Variants in CFTR observed in about 807,000 individuals in gnomAD.
The protein encoded by CFTR is cystic fibrosis transmembrane conductance regulator.
CFTR carries 181 observed loss-of-function variants against 171.6 expected under a neutral mutation model. The observed-to-expected ratio is 1.05, with a 90% CI of 0.93 to 1.19. CFTR has a LOEUF of 1.19. Ranked by LOEUF, CFTR falls within the 50% of genes most tolerant of loss-of-function variation. CFTR has a pLI of 0.00. For synonymous variants in CFTR, 583 were observed against 608.0 expected, an observed-to-expected ratio of 0.96 and a Z score of 0.60; for missense variants, 1,968 against 1,734.7, an observed-to-expected ratio of 1.13 and a Z score of -2.39.
chr7:117,520,328 A>G (rs1210166819), intron 3 of CFTR, among the ~76,000 whole-genome samples: 4 of 146,538 alleles, frequency 2.7e-5, no homozygotes, highest in African/African-American at 7.5e-5. Flanking sequence ...GCAAATCTAT[A>G]TATCTTTTTC....
intron 3 of CFTR, among the ~76,000 whole-genome samples, chr7:117,517,986 T>C (rs1184875085): frequency 2.0e-5 from 3 of 152,176 alleles, no homozygotes; most frequent in Non-Finnish European, 2.9e-5. Flanking sequence ...AAACATTTTC[T>C]CCCATTCTGT....
At chr7:117,553,995 G>A (rs112038513) in intron 10 of CFTR, among the ~76,000 whole-genome samples, 18 of 152,240 alleles carry the variant, frequency 1.2e-4, no homozygotes, top group African/African-American at 4.3e-4. Flanking sequence ...AGTAAGACAG[G>A]GAGGGTAGAA....
At chr7:117,504,169 C>A in intron 1 of CFTR, 84 bp from the exon 2 acceptor site, 2 of 798,610 alleles carry the variant, frequency 2.5e-6, no homozygotes, top group African/African-American at 1.7e-5. Context: ...TTTCCATATG[C>A]CAGAAAAGTT....
chr7:117,487,453 A>T (rs1276778599), intron 1 of CFTR, among the ~76,000 whole-genome samples: 1 of 152,122 alleles, frequency 6.6e-6, no homozygotes, highest in Non-Finnish European at 1.5e-5. Flanking sequence ...TTTTCACATC[A>T]CGGGACACAA....
rs774308232 is a variant in CFTR, at chr7:117,542,036, A to C, written c.1137A>C (p.Glu379Asp). The change falls in exon 9 of 27, where the codon GAA becomes GAC. Residue 379 changes from glutamate (E) to aspartate (D), a missense_variant. By Grantham distance (45) the Glu-to-Asp change is conservative. Transcript: ENST00000003084. ...AATAGGATTTCTTACAAAAGCAAGA[A>C]TATAAGACATTGGAATATAACTTAA... ...NKIQDFLQKQ[E>D]YKTLEYNLTT... 1.9e-6 allele frequency: 3 copies of C among 1,570,220 alleles called. No homozygotes were observed. The highest frequency in any genetic ancestry group is 1.1e-5 in the South Asian group (1 of 90,102).
chr7:117,640,276 T>C (rs1271860321), intron 22 of CFTR, among the ~76,000 whole-genome samples: 1 of 152,136 alleles, frequency 6.6e-6, no homozygotes, highest in East Asian at 1.9e-4. Context: ...AACCAGTGAT[T>C]CCTTGCCTTT....
intron 9 of CFTR, among the ~76,000 whole-genome samples, chr7:117,542,410 T>C (rs1051309132): frequency 6.6e-6 from 1 of 152,018 alleles, no homozygotes; most frequent in African/African-American, 2.4e-5. Context: ...TAACTGGGCA[T>C]GGTGGCAGAT....
rs766916236 is a variant in CFTR at position 117,664,668 on chromosome 7, A to C, written c.3964-20A>C. 6.2e-7 allele frequency: 1 copy of C among 1,611,352 alleles called. No individual in the cohort carries two copies. The highest frequency in any genetic ancestry group is 1.1e-5 in the South Asian group (1 of 91,036). On this transcript the variant is annotated intron_variant, in intron 24 of 26. Transcript: ENST00000003084. ...GTGTTTTTAACTCTGTGGTATCTGAACTATCTTCTCTAACTGCAGGTTGGG... is the reference window on the plus strand; with the variant it reads ...GTGTTTTTAACTCTGTGGTATCTGACCTATCTTCTCTAACTGCAGGTTGGG...
Position 117,602,883 on chromosome 7 carries a change from T to C in CFTR, c.2657+20T>C. ...TGGAAAGTGAGTATTCCATGTCCTA[T>C]TGTGTAGATTGTGTTTTATTTCTGT... On this transcript the variant is annotated intron_variant, in intron 16 of 26. Transcript: ENST00000003084. 6.3e-7 allele frequency: 1 copy of C among 1,594,032 alleles called. No individual in the cohort carries two copies. The highest frequency in any genetic ancestry group is 1.1e-5 in the South Asian group (1 of 90,700).
chr7:117,517,398 A>G (rs1370610899), intron 3 of CFTR, among the ~76,000 whole-genome samples: 1 of 152,066 alleles, frequency 6.6e-6, no homozygotes, highest in Non-Finnish European at 1.5e-5. Context: ...ATCCTTTTTT[A>G]TGGCTGTATA....
At chr7:117,517,231 C>T (rs1334876585) in intron 3 of CFTR, among the ~76,000 whole-genome samples, 1 of 152,066 alleles carries the variant, frequency 6.6e-6, no homozygotes, top group African/African-American at 2.4e-5. Flanking sequence ...TCACAGGCCC[C>T]TGTGTGTGAT....
intron 10 of CFTR, among the ~76,000 whole-genome samples, chr7:117,555,600 A>T: frequency 6.6e-6 from 1 of 152,202 alleles, no homozygotes; most frequent in East Asian, 1.9e-4. Flanking sequence ...AATCCATACA[A>T]AGTGCCACTA....
Position 117,652,996 on chromosome 7 carries a change from G to A in CFTR, c.3963+65G>A, listed in dbSNP as rs1584842959. ...CATACCAACACAAATGGCTGATATAGCTGACATCATTCTACACACTTTGTG... is the reference window on the plus strand; with the variant it reads ...CATACCAACACAAATGGCTGATATAACTGACATCATTCTACACACTTTGTG... On this transcript the variant is annotated intron_variant, in intron 24 of 26. Transcript: ENST00000003084. 6.3e-6 allele frequency: 6 copies of A among 955,578 alleles called. No homozygotes were observed. In the East Asian group the frequency reaches 1.4e-4, roughly 23 times the overall value. The allele number at this position is 955,578 out of a possible 1,614,324, so 59.2% of individuals were successfully genotyped here. A position where few individuals can be genotyped will look rare whatever the true frequency, so the allele number is the denominator to read the frequency against.
Position 117,610,530 on chromosome 7 carries a change from T to C in CFTR, c.3000T>C (p.Ile1000=), listed in dbSNP as rs1408084674. ...TIFDFIQLLL[I]VIGAIAVVAV... is the part of the protein sequence containing the mutation. The stretch of plus-strand genomic sequence containing the variant: ...CTTTGATCTTACAGTTGTTATTAAT[T>C]GTGATTGGAGCTATAGCAGTTGTCG... The change falls in exon 19 of 27, where the codon ATT becomes ATC. Residue 1000 remains isoleucine, a synonymous_variant. Coordinates refer to ENST00000003084, the MANE Select transcript of CFTR (RefSeq NM_000492.4). 6.2e-7 allele frequency: 1 copy of C among 1,613,380 alleles called. No homozygotes were observed. Among genetic ancestry groups the C allele is most frequent in the Admixed American group, 1.7e-5 (1 of 59,952 alleles).
intron 20 of CFTR, among the ~76,000 whole-genome samples, chr7:117,612,285 TG>T (rs1327380156): frequency 1.1e-4 from 17 of 150,264 alleles, no homozygotes; most frequent in African/African-American, 3.9e-4. Context: ...CGGTAAGTTT[TG>T]TTTTTTTTAA....
In CFTR at chr7:117,665,097, C is replaced by T. The variant is rs4148724; in HGVS notation, c.4136+237C>T. 0.15 allele frequency among the ~76,000 whole-genome samples: 22,888 copies of T among 152,210 alleles called. 2,164 individuals are homozygous for T. The highest frequency in any genetic ancestry group is 0.31 in the East Asian group (1,615 of 5,168). ...TACAAACTCTTCCCCCTTGTCAACA[C>T]ATGATGAAGCTTTTAAATACATGGG... On this transcript the variant is annotated intron_variant, in intron 25 of 26. Coordinates refer to ENST00000003084, the MANE Select transcript of CFTR (RefSeq NM_000492.4).
chr7:117,586,021 C>T (rs1791928345), intron 11 of CFTR, among the ~76,000 whole-genome samples: 1 of 152,188 alleles, frequency 6.6e-6, no homozygotes, highest in African/African-American at 2.4e-5. Flanking sequence ...CACACACGAG[C>T]TGTTTTGTAA....
chr7:117,491,898 T>C (rs1043672629), intron 1 of CFTR, among the ~76,000 whole-genome samples: 3 of 152,058 alleles, frequency 2.0e-5, no homozygotes, highest in Non-Finnish European at 4.4e-5. Context: ...TGGAAGTAAT[T>C]TGAGACCATA....
intron 1 of CFTR, among the ~76,000 whole-genome samples, chr7:117,496,485 T>C (rs1209178906): frequency 6.6e-6 from 1 of 152,200 alleles, no homozygotes; most frequent in Non-Finnish European, 1.5e-5. Context: ...ATTATAGGTG[T>C]GAGCCACAGC....
Sources: allele counts gnomAD v4.1 joint callset (sites outside exome capture counted in the v4.1 genomes callset), GRCh38; gene constraint gnomAD v4.1.1; transcripts MANE v1.5; gene names NCBI Gene and HGNC (gene_info 2026-07-23, HGNC 2026-07-21).